Variants in CCDC57 observed in about 807,000 individuals in gnomAD.
CCDC57 encodes the protein coiled-coil domain-containing protein 57.
CCDC57 carries 118 observed loss-of-function variants against 118.9 expected under a neutral mutation model. The observed-to-expected ratio is 0.99, with a 90% CI of 0.86 to 1.16. The LOEUF is 1.16. Ranked by LOEUF, CCDC57 falls within the 50% of genes most tolerant of loss-of-function variation. The probability of loss-of-function intolerance (pLI) is 0.00; values close to 1 mark genes in which losing one functional copy is unlikely to be tolerated. For missense variants in CCDC57, 1,300 were observed against 1,320.7 expected, an observed-to-expected ratio of 0.98 and a Z score of 0.24; for synonymous variants, 527 against 532.9, an observed-to-expected ratio of 0.99 and a Z score of 0.15.
At position 82,188,819 on chromosome 17, in the gene CCDC57, G is replaced by A. The variant is rs996122694; in HGVS notation, c.852-400C>T. On this transcript the variant is annotated intron_variant, in intron 7 of 19. Coordinates refer to ENST00000665763, the Ensembl canonical transcript of CCDC57. ...CCAGCCAGGTCTACGGAGCCACACC[G>A]CACCCCACCTATTGATTTTCCAATT... Among the ~76,000 whole-genome samples the A allele has an allele frequency of 3.9e-5, 6 of 152,340 alleles. No individual in the cohort carries two copies. The East Asian group carries it at 7.7e-4, about 20-fold the overall frequency.
chr17:82,194,259 G>T (rs111347037), intron 5 of CCDC57, 120 bp from the exon 5 acceptor site: 3 of 1,053,564 alleles, frequency 2.8e-6, no homozygotes, highest in African/African-American at 1.6e-5. Context: ...AATTCAAGAA[G>T]CAGTAAAACA....
chr17:82,109,275 C>T (rs1429613731), intron 19 of CCDC57, among the ~76,000 whole-genome samples: 1 of 152,204 alleles, frequency 6.6e-6, no homozygotes, highest in Non-Finnish European at 1.5e-5. Flanking sequence ...CAGAGCGGGG[C>T]GTGTGGAGCG....
At chr17:82,101,973 C>T (rs1220351358) in intron 19 of CCDC57, 107 bp from the exon 19 acceptor site, 10 of 1,138,246 alleles carry the variant, frequency 8.8e-6, no homozygotes, top group Admixed American at 3.3e-5. Context: ...TCCCGGCCAG[C>T]GGGGGCCCTG....
At chr17:82,151,920 C>T in intron 15 of CCDC57, 147 bp from the exon 15 acceptor site, 2 of 651,698 alleles carry the variant, frequency 3.1e-6, no homozygotes, top group Non-Finnish European at 5.2e-6. Flanking sequence ...AAAAGAAAGA[C>T]AAAAAGAGTC....
chr17:82,164,347 C>T (rs1382928243), intron 13 of CCDC57, among the ~76,000 whole-genome samples: 1 of 152,128 alleles, frequency 6.6e-6, no homozygotes, highest in Non-Finnish European at 1.5e-5. Context: ...TGCCACTACA[C>T]TCCAGCCTGG....
chr17:82,150,420 C>CAGG (rs2041792453), intron 16 of CCDC57, among the ~76,000 whole-genome samples: 1 of 147,302 alleles, frequency 6.8e-6, no homozygotes, highest in Admixed American at 6.8e-5. Flanking sequence ...CACCCAGAAC[C>CAGG]TGACCCGCAC....
chr17:82,105,080 G>C (rs1345874674), intron 19 of CCDC57: 1 of 152,390 alleles, frequency 6.6e-6, no homozygotes, highest in Non-Finnish European at 1.5e-5. Context: ...GGCTCTCTGG[G>C]TGCCCCTGGG....
At chr17:82,156,141 C>G (rs2042649434) in intron 15 of CCDC57, 1 of 151,980 alleles carries the variant, frequency 6.6e-6, no homozygotes, top group Non-Finnish European at 1.5e-5. Context: ...ACTGAAAACA[C>G]AAAAATTGGC....
At chr17:82,127,302 G>A (rs1263849613) in intron 19 of CCDC57, 3 of 985,208 alleles carry the variant, frequency 3.0e-6, no homozygotes, top group Admixed American at 1.2e-4. Context: ...CTCTTCCCCA[G>A]GAGCAGGGCC....
chr17:82,138,007 A>T (rs1235580036), intron 16 of CCDC57, among the ~76,000 whole-genome samples: 2 of 151,774 alleles, frequency 1.3e-5, no homozygotes, highest in South Asian at 2.1e-4. Flanking sequence ...GATCTATGAG[A>T]TGTCCTAGAA....
rs761850888 is a variant in CCDC57, at chr17:82,188,452, C to T, written c.852-33G>A. 4 of 1,587,066 alleles carry T rather than the reference C, an allele frequency of 2.5e-6. No individual in the cohort carries two copies. The Admixed American group carries it at 6.9e-5, about 27-fold the overall frequency. ...ACAGTGAGTGTCCCATGGCGCTCAC[C>T]CAGCCCCCAACACCCAGGCCCCAGA... On this transcript the variant is annotated intron_variant, in intron 7 of 19. Coordinates refer to ENST00000665763, the Ensembl canonical transcript of CCDC57.
chr17:82,109,358 T>A (rs1022430843), intron 19 of CCDC57, among the ~76,000 whole-genome samples: 1 of 152,206 alleles, frequency 6.6e-6, no homozygotes, highest in Admixed American at 6.5e-5. Flanking sequence ...CTGGCAGATG[T>A]TACCACAGGA....
intron 9 of CCDC57, among the ~76,000 whole-genome samples, chr17:82,180,927 C>G (rs939888794): frequency 6.6e-6 from 1 of 152,254 alleles, no homozygotes; most frequent in Non-Finnish European, 1.5e-5. Flanking sequence ...ACGATGAACA[C>G]ACGAGCGGTG....
At chr17:82,102,226 G>A (rs1489509050) in intron 19 of CCDC57, among the ~76,000 whole-genome samples, 7 of 152,162 alleles carry the variant, frequency 4.6e-5, no homozygotes, top group Non-Finnish European at 7.4e-5. Context: ...AGGGGTGCTG[G>A]GGTAAATGGT....
At chr17:82,124,847 G>A (rs540377988) in intron 19 of CCDC57, among the ~76,000 whole-genome samples, 55 of 152,248 alleles carry the variant, frequency 3.6e-4, no homozygotes, top group African/African-American at 1.3e-3. Context: ...AAACGAAAGT[G>A]CTCCAAGAGA....
chr17:82,158,451 G>T (rs1304383269), intron 14 of CCDC57, among the ~76,000 whole-genome samples: 1 of 152,136 alleles, frequency 6.6e-6, no homozygotes, highest in Non-Finnish European at 1.5e-5. Context: ...GCCTTGGGAG[G>T]CCGAGGAGGG....
chr17:82,117,952 G>C (rs1161720299), intron 19 of CCDC57, among the ~76,000 whole-genome samples: 2 of 152,150 alleles, frequency 1.3e-5, no homozygotes, highest in African/African-American at 4.8e-5. Flanking sequence ...CACACGCACA[G>C]GAGGTTCACT....
chr17:82,188,739 G>C (rs1024503892), intron 7 of CCDC57, among the ~76,000 whole-genome samples: 2 of 152,182 alleles, frequency 1.3e-5, no homozygotes, highest in Non-Finnish European at 2.9e-5. Context: ...GGTTTGATCC[G>C]ATCAACCTGC....
chr17:82,184,505 T>C (rs994888568), intron 8 of CCDC57, among the ~76,000 whole-genome samples: 1 of 152,198 alleles, frequency 6.6e-6, no homozygotes, highest in Non-Finnish European at 1.5e-5. Flanking sequence ...CGGGACAATA[T>C]CTAGAGCTGT....
Sources: gnomAD v4.1 joint callset for allele counts (sites outside exome capture counted in the v4.1 genomes callset) on GRCh38, gnomAD v4.1.1 for gene constraint, MANE v1.5 for transcripts, NCBI Gene and HGNC (gene_info 2026-07-23, HGNC 2026-07-21) for gene names.